The following MYH9 variants were observed in gnomAD, a reference collection of about 807,000 sequenced individuals.
MYH9 encodes the protein myosin-9.
Under a neutral mutation model 241.9 loss-of-function variants are expected in MYH9, and 29 were observed. The observed-to-expected ratio is 0.12, with a 90% CI of 0.09 to 0.16. The LOEUF (loss-of-function observed/expected upper bound fraction) is 0.16. Ranked by LOEUF, MYH9 falls within the 10% of genes least tolerant of loss-of-function variation. The pLI, the probability that MYH9 is intolerant of heterozygous loss-of-function variation, is 1.00. For synonymous variants in MYH9, 1,047 were observed against 1,062.6 expected, an observed-to-expected ratio of 0.99 and a Z score of 0.29; for missense variants, 1,803 against 2,595.5, an observed-to-expected ratio of 0.69 and a Z score of 6.63.
chr22:36,291,683 T>TAAAAA (rs66686435), intron 31 of MYH9, among the ~76,000 whole-genome samples: 11 of 86,874 alleles, frequency 1.3e-4, no homozygotes, highest in Admixed American at 2.5e-4. Context: ...ATAAAAAAAT[T>TAAAAA]AAAAAAAAAA....
Position 36,293,661 on chromosome 22 carries a change from G to A in MYH9, c.3942+98C>T. ...CCCACAGGATGAAGCAGATGAAGGAGAGGATGGGCAATCCGATGGGCTCTG... is the reference window on the plus strand; with the variant it reads ...CCCACAGGATGAAGCAGATGAAGGAAAGGATGGGCAATCCGATGGGCTCTG... On this transcript the variant is annotated intron_variant, in intron 29 of 40. Transcript: ENST00000216181. The surrounding 1 kb of genome is among the most constrained non-coding windows in gnomAD (Gnocchi z 5.1). 1 of 1,338,968 alleles carries A rather than the reference G, an allele frequency of 7.5e-7. No individual in the cohort carries two copies. Among genetic ancestry groups the A allele is most frequent in the Non-Finnish European group, 1.1e-6 (1 of 947,750 alleles). 82.9% of individuals were successfully genotyped at this position (1,338,968 alleles called of 1,614,324 possible). A position where few individuals can be genotyped will look rare whatever the true frequency, so the allele number is the denominator to read the frequency against.
rs2016735043 is a variant in MYH9, at chr22:36,293,260, G to A, written c.4095+69C>T. The A allele has an allele frequency of 1.2e-6, 2 of 1,601,240 alleles. No homozygotes were observed. Among genetic ancestry groups the A allele is most frequent in the Non-Finnish European group, 1.7e-6 (2 of 1,172,050 alleles). On this transcript the variant is annotated intron_variant, in intron 30 of 40. Coordinates refer to ENST00000216181, the MANE Select transcript of MYH9 (RefSeq NM_002473.6). The surrounding 1 kb of genome is among the most constrained non-coding windows in gnomAD (Gnocchi z 5.1). ...CCAGCGGGCAGGGCTGTCCTGCAGT[G>A]CCCAGGCCAGTGCCCGGCCAGCAGC...
At chr22:36,377,062 C>A (rs1319164352) in intron 1 of MYH9, among the ~76,000 whole-genome samples, 6 of 144,874 alleles carry the variant, frequency 4.1e-5, no homozygotes, top group African/African-American at 2.6e-5. Context: ...GACCCTACCT[C>A]AAAAAAAAAA....
chr22:36,286,996 A>C, intron 34 of MYH9, 150 bp from the exon 35 acceptor site: 2 of 1,069,492 alleles, frequency 1.9e-6, no homozygotes, highest in South Asian at 2.7e-5. Flanking sequence ...GCAAAAAGGC[A>C]ACTAAAGACA....
At chr22:36,282,924 A>T in intron 40 of MYH9, 139 bp from the exon 41 acceptor site, 1 of 747,362 alleles carries the variant, frequency 1.3e-6, no homozygotes, top group Non-Finnish European at 2.2e-6. Flanking sequence ...AGCAAAGTGG[A>T]GTCTTGGGAG....
At chr22:36,362,336 A>G (rs2017947657) in intron 1 of MYH9, among the ~76,000 whole-genome samples, 2 of 152,138 alleles carry the variant, frequency 1.3e-5, no homozygotes, top group African/African-American at 4.8e-5. Flanking sequence ...GTGAGAAGTG[A>G]CCAAGCAATC....
chr22:36,369,895 C>A lies in MYH9; in HGVS notation c.-20+17912G>T, dbSNP rs117419275. 9.8e-3 allele frequency among the ~76,000 whole-genome samples: 1,489 copies of A among 152,264 alleles called. 11 individuals are homozygous for A. Among genetic ancestry groups the A allele is most frequent in the Middle Eastern group, 0.068 (20 of 294 alleles). ...TTTCTTGGACTCTCAACATTCCCAG[C>A]TACAAAATAGGAACACTAATACTGC... is the stretch of plus-strand genomic sequence containing the variant. On this transcript the variant is annotated intron_variant, in intron 1 of 40. Transcript: ENST00000216181.
intron 2 of MYH9, among the ~76,000 whole-genome samples, chr22:36,347,784 T>TA (rs1334439160): frequency 1.0e-5 from 1 of 96,894 alleles, no homozygotes; most frequent in Non-Finnish European, 2.1e-5. Flanking sequence ...ACTGGCCAAT[T>TA]AAAAAAGACC....
chr22:36,309,115 C>T (rs561439556), intron 15 of MYH9, among the ~76,000 whole-genome samples, 167 bp downstream of exon 15: 1 of 152,308 alleles, frequency 6.6e-6, no homozygotes, highest in South Asian at 2.1e-4. Context: ...CCTCCTGTTT[C>T]GGTCCGAGGA....
intron 5 of MYH9, among the ~76,000 whole-genome samples, chr22:36,324,252 G>A (rs1270269849): frequency 6.6e-6 from 1 of 152,248 alleles, no homozygotes; most frequent in South Asian, 2.1e-4. Context: ...CAACAGTGAT[G>A]ACTAACCTAT....
intron 20 of MYH9, chr22:36,302,238 C>T: frequency 7.2e-6 from 2 of 278,444 alleles, no homozygotes; most frequent in South Asian, 4.0e-5. Context: ...TCGCCATTAC[C>T]ATAAATTATG....
Position 36,302,625 on chromosome 22 carries a change from C to G in MYH9, c.2442G>C (p.Arg814=), listed in dbSNP as rs113783861. 13 of 1,613,564 alleles carry G rather than the reference C, an allele frequency of 8.1e-6. No individual in the cohort carries two copies. Among genetic ancestry groups the G allele is most frequent in the Non-Finnish European group, 9.3e-6 (11 of 1,179,982 alleles). Residue 814 remains arginine (R), a synonymous_variant, in exon 20 of 41, where the codon CGG becomes CGC. Transcript: ENST00000216181. ...QQLTAMKVLQ[R]NCAAYLKLRN... is the part of the protein sequence containing the mutation. ...GCAGCTTCAGGTAGGCAGCGCAGTT[C>G]CGCTGGAGGACCTTCATGGCGGTAA...
Position 36,284,269 on chromosome 22 carries a change from C to A in MYH9, c.5593-4G>T, listed in dbSNP as rs369769391. The A allele has an allele frequency of 6.2e-7, 1 of 1,608,544 alleles. No homozygotes were observed. Among genetic ancestry groups the A allele is most frequent in the South Asian group, 1.1e-5 (1 of 90,764 alleles). On this transcript the variant is annotated splice_region_variant and splice_polypyrimidine_tract_variant and intron_variant, in intron 39 of 40. Transcript: ENST00000216181. ...GGCGGGTAGATGCCTTGTCGGCCTG[C>A]GGAGATGGACGTGTGGCCCGTGGCC...
At chr22:36,334,349 C>A (rs1726668999) in intron 3 of MYH9, among the ~76,000 whole-genome samples, 1 of 152,198 alleles carries the variant, frequency 6.6e-6, no homozygotes, top group Admixed American at 6.5e-5. Context: ...TCCCACAGCA[C>A]CTGTCTGGTC....
At chr22:36,286,897 C>T (rs1173573569) in intron 34 of MYH9, 51 bp from the exon 35 acceptor site, 2 of 1,600,112 alleles carry the variant, frequency 1.2e-6, no homozygotes, top group Non-Finnish European at 1.7e-6. Flanking sequence ...TGGCCCTCCA[C>T]CCCAACCCTC....
intron 3 of MYH9, among the ~76,000 whole-genome samples, chr22:36,338,558 A>G (rs9607335): frequency 0.52 from 79,420 of 151,316 alleles, 23,023 homozygotes; most frequent in Non-Finnish European, 0.65. Flanking sequence ...GGTGGCTCAC[A>G]CCTATAATCC....
chr22:36,292,922 C>T (rs1255899989), intron 30 of MYH9, among the ~76,000 whole-genome samples: 1 of 152,230 alleles, frequency 6.6e-6, no homozygotes, highest in South Asian at 2.1e-4. Context: ...TGCTAGATAG[C>T]ACATCAGATA....
intron 1 of MYH9, among the ~76,000 whole-genome samples, chr22:36,387,529 G>C: frequency 6.6e-6 from 1 of 151,852 alleles, no homozygotes; most frequent in East Asian, 1.9e-4. Flanking sequence ...CGCGCCGGGG[G>C]ACACGGGGGG....
intron 3 of MYH9, among the ~76,000 whole-genome samples, chr22:36,335,533 T>A (rs1295384630): frequency 6.6e-6 from 1 of 152,230 alleles, no homozygotes; most frequent in Non-Finnish European, 1.5e-5. Flanking sequence ...AGAGCTTTTC[T>A]GCCCCTTGAA....
Sources: gnomAD v4.1 joint callset for allele counts (sites outside exome capture counted in the v4.1 genomes callset) on GRCh38, gnomAD v4.1.1 for gene constraint, Gnocchi (gnomAD v3.1) non-coding constraint, MANE v1.5 for transcripts, NCBI Gene and HGNC (gene_info 2026-07-23, HGNC 2026-07-21) for gene names.